NFASC: variants seen among roughly 807,000 people sequenced by gnomAD.
The protein encoded by NFASC is neurofascin.
Under a neutral mutation model 147.5 loss-of-function variants are expected in NFASC, and 43 were observed. That is an observed-to-expected ratio of 0.29 (90% CI 0.23 to 0.38). NFASC has a LOEUF of 0.38. Ranked by LOEUF, NFASC falls within the 10% of genes least tolerant of loss-of-function variation. The pLI is 1.00. For missense variants in NFASC, 1,320 were observed against 1,689.0 expected (o/e 0.78, Z 3.83); for synonymous variants, 622 against 665.5 (o/e 0.93, Z 1.01).
intron 5 of NFASC, among the ~76,000 whole-genome samples, chr1:204,953,068 G>C (rs2094218425): frequency 2.6e-5 from 4 of 152,220 alleles, no homozygotes; most frequent in Admixed American, 2.6e-4. Flanking sequence ...TTCCCCCATG[G>C]TTCCTTTGCA....
In NFASC at chr1:204,832,170, G is replaced by A. The variant is rs571788645; in HGVS notation, c.-200+3388G>A. 2.6e-5 allele frequency among the ~76,000 whole-genome samples: 4 copies of A among 152,256 alleles called. No homozygotes were observed. The South Asian group carries it at 6.2e-4, about 24-fold the overall frequency. ...ACACCTGTGTGAACAAGGTGAACCC[G>A]GCTAGATGTGGCTAGAACCTGATAG... On this transcript the variant is annotated intron_variant, in intron 1 of 29. Transcript: ENST00000339876.
At chr1:204,948,571 G>A (rs61817570) in intron 3 of NFASC, 10,100 of 517,834 alleles carry the variant, frequency 0.02, 391 homozygotes, top group African/African-American at 0.12. Flanking sequence ...GGCCAAGGAT[G>A]GATTTGTTAA....
chr1:204,976,826 C>T, intron 16 of NFASC, 31 bp downstream of exon 16: 1 of 1,594,684 alleles, frequency 6.3e-7, no homozygotes, highest in East Asian at 2.3e-5. Context: ...TGGCACTGAC[C>T]AGCCCCACCC....
At chr1:204,888,605 C>T (rs1318725086) in intron 1 of NFASC, among the ~76,000 whole-genome samples, 1 of 152,204 alleles carries the variant, frequency 6.6e-6, no homozygotes, top group Non-Finnish European at 1.5e-5. Context: ...TGGCACTGAG[C>T]ACAAGTGACC....
At chr1:204,971,221 T>G (rs2095244155) in intron 11 of NFASC, among the ~76,000 whole-genome samples, 1 of 152,122 alleles carries the variant, frequency 6.6e-6, no homozygotes, top group Non-Finnish European at 1.5e-5. Flanking sequence ...ATATTATGGT[T>G]AGATATGAGG....
At chr1:204,875,049 G>C (rs1022877838) in intron 1 of NFASC, among the ~76,000 whole-genome samples, 6 of 151,856 alleles carry the variant, frequency 4.0e-5, no homozygotes, top group African/African-American at 1.5e-4. Flanking sequence ...AGGTAGGAAA[G>C]TCAAGATTTG....
chr1:204,975,431 C>G lies in NFASC; in HGVS notation c.1706+13C>G, dbSNP rs765600433. On this transcript the variant is annotated intron_variant, in intron 15 of 29. Coordinates refer to ENST00000339876, the MANE Select transcript of NFASC (RefSeq NM_001005388.3). This position sits in a 1 kb window ranked among gnomAD's most constrained non-coding sequence, Gnocchi z 4.0. The stretch of plus-strand genomic sequence containing the variant: ...ATATTGGAAACAGGTTTCTCTTCCC[C>G]CTTCCCCCTTCCTAGTGCTAGTTTG... 4 of 1,602,564 alleles carry G rather than the reference C, an allele frequency of 2.5e-6. No individual in the cohort carries two copies. The South Asian group carries it at 3.3e-5, about 13-fold the overall frequency.
At chr1:204,861,338 C>T (rs1474973831) in intron 1 of NFASC, among the ~76,000 whole-genome samples, 1 of 152,158 alleles carries the variant, frequency 6.6e-6, no homozygotes, top group African/African-American at 2.4e-5. Flanking sequence ...ATCCACCTGC[C>T]TTGGCCTCCC....
intron 20 of NFASC, among the ~76,000 whole-genome samples, chr1:204,981,237 A>G (rs1034830835): frequency 9.9e-5 from 15 of 152,264 alleles, no homozygotes; most frequent in African/African-American, 3.6e-4. Context: ...GGCTCTGTAT[A>G]GCAGGCTCCA....
intron 25 of NFASC, chr1:205,000,889 G>A (rs2095966804): frequency 4.0e-6 from 2 of 495,218 alleles, no homozygotes; most frequent in African/African-American, 2.0e-5. Context: ...TGTGGACACA[G>A]TCAGTTTCCA....
chr1:204,849,295 G>T (rs1311280373), intron 1 of NFASC, among the ~76,000 whole-genome samples: 1 of 152,224 alleles, frequency 6.6e-6, no homozygotes, highest in Non-Finnish European at 1.5e-5. Flanking sequence ...CCTTGTGTTA[G>T]CGAATACCAT....
chr1:204,935,626 G>T (rs1030897149), intron 2 of NFASC, among the ~76,000 whole-genome samples: 3 of 152,162 alleles, frequency 2.0e-5, no homozygotes, highest in African/African-American at 4.8e-5. Context: ...TCATCTAGGG[G>T]CTGGCCAGCG....
At chr1:204,980,342 C>T (rs2095488183) in intron 19 of NFASC, 28 bp from the exon 20 acceptor site, 6 of 1,600,464 alleles carry the variant, frequency 3.7e-6, no homozygotes, top group Non-Finnish European at 5.1e-6. Flanking sequence ...ACAAATTGGA[C>T]TTGAGCCTGT....
At chr1:204,982,231 A>G (rs1177416698) in intron 21 of NFASC, among the ~76,000 whole-genome samples, 1 of 152,232 alleles carries the variant, frequency 6.6e-6, no homozygotes, top group African/African-American at 2.4e-5. Flanking sequence ...ACTGAATGTC[A>G]TCACCCAGTC....
chr1:204,934,286 A>G (rs911058551), intron 2 of NFASC, among the ~76,000 whole-genome samples: 1 of 152,064 alleles, frequency 6.6e-6, no homozygotes, highest in Non-Finnish European at 1.5e-5. Flanking sequence ...TGGTCCAGGT[A>G]GAGGTGGGCA....
chr1:204,944,472 G>GTGGGTTGGC, intron 3 of NFASC, 66 bp downstream of exon 3: 2 of 402,580 alleles, frequency 5.0e-6, no homozygotes, highest in Middle Eastern at 7.8e-4. Flanking sequence ...GGAGGGGAGG[G>GTGGGTTGGC]AAGGTCAGAG....
chr1:204,946,524 C>T, intron 3 of NFASC: 1 of 414,794 alleles, frequency 2.4e-6, no homozygotes, highest in East Asian at 7.2e-5. Flanking sequence ...GGTCCAGTGG[C>T]CCTGGCAACG....
chr1:205,008,632 C>G (rs986547575), intron 27 of NFASC: 2 of 152,234 alleles, frequency 1.3e-5, no homozygotes, highest in African/African-American at 4.8e-5. Flanking sequence ...ATTGGGTCAT[C>G]AAGGACACCC....
chr1:205,006,164 A>T (rs2096105576), intron 27 of NFASC, among the ~76,000 whole-genome samples: 1 of 152,216 alleles, frequency 6.6e-6, no homozygotes, highest in Non-Finnish European at 1.5e-5. Flanking sequence ...TATGACCCCT[A>T]GCTGATATCA....
Sources: gnomAD v4.1 joint callset for allele counts (sites outside exome capture counted in the v4.1 genomes callset) on GRCh38, gnomAD v4.1.1 for gene constraint, Gnocchi (gnomAD v3.1) non-coding constraint, MANE v1.5 for transcripts, NCBI Gene and HGNC (gene_info 2026-07-23, HGNC 2026-07-21) for gene names.